PIGN: variants seen among roughly 807,000 people sequenced by gnomAD.
The protein encoded by PIGN is GPI ethanolamine phosphate transferase 1.
Under a neutral mutation model 125.4 loss-of-function variants are expected in PIGN, and 117 were observed. That is an observed-to-expected ratio of 0.93 (90% CI 0.80 to 1.09). The LOEUF (loss-of-function observed/expected upper bound fraction) is 1.09, where lower values mean the gene tolerates loss of function less well. Among genes scored for constraint, PIGN ranks in the 50% least tolerant of loss-of-function variants. The pLI, the probability that PIGN is intolerant of heterozygous loss-of-function variation, is 0.00. For missense variants in PIGN, 1,075 were observed against 1,094.9 expected, an observed-to-expected ratio of 0.98 and a Z score of 0.26; for synonymous variants, 392 against 377.8, an observed-to-expected ratio of 1.04 and a Z score of -0.44.
intron 23 of PIGN, among the ~76,000 whole-genome samples, chr18:62,028,592 C>T (rs2030155250): frequency 6.6e-6 from 1 of 152,172 alleles, no homozygotes; most frequent in Admixed American, 6.5e-5. Flanking sequence ...ATTCTAATTA[C>T]TTAAATTGAA....
At chr18:62,050,364 C>G (rs2031170840) in intron 30 of PIGN, among the ~76,000 whole-genome samples, 1 of 152,062 alleles carries the variant, frequency 6.6e-6, no homozygotes, top group Non-Finnish European at 1.5e-5. Context: ...TTTGTATCCT[C>G]TTTTATTTCA....
intron 23 of PIGN, among the ~76,000 whole-genome samples, chr18:62,019,783 G>A (rs1218025971): frequency 6.6e-6 from 1 of 152,184 alleles, no homozygotes; most frequent in Non-Finnish European, 1.5e-5. Context: ...CAATAACACT[G>A]GACAAAATAT....
intron 17 of PIGN, among the ~76,000 whole-genome samples, chr18:62,107,955 C>T (rs891339093): frequency 6.6e-6 from 1 of 152,106 alleles, no homozygotes; most frequent in South Asian, 2.1e-4. Context: ...AAATGTATTA[C>T]ATACTTGAGT....
intron 23 of PIGN, among the ~76,000 whole-genome samples, chr18:62,020,400 A>G (rs887187197): frequency 6.6e-6 from 1 of 152,190 alleles, no homozygotes; most frequent in African/African-American, 2.4e-5. Flanking sequence ...ACCTCTAGAC[A>G]TGTGAAGAAG....
intron 28 of PIGN, among the ~76,000 whole-genome samples, chr18:62,081,703 G>A (rs150943441): frequency 1.2e-3 from 188 of 152,084 alleles, no homozygotes; most frequent in African/African-American, 4.3e-3. Context: ...CAAAGATGCA[G>A]GAAAGTACAT....
At chr18:62,166,071 A>G (rs1324304189) in intron 1 of PIGN, among the ~76,000 whole-genome samples, 1 of 152,190 alleles carries the variant, frequency 6.6e-6, no homozygotes, top group Non-Finnish European at 1.5e-5. Flanking sequence ...ATATAGAAGG[A>G]TATGAATGAT....
At chr18:62,111,362 A>G (rs564528427) in intron 16 of PIGN, among the ~76,000 whole-genome samples, 11 of 152,120 alleles carry the variant, frequency 7.2e-5, no homozygotes, top group Non-Finnish European at 1.6e-4. Flanking sequence ...CTCTGTTTAC[A>G]TCATTCAGTT....
chr18:62,057,932 C>T (rs529237534), intron 30 of PIGN, among the ~76,000 whole-genome samples: 46 of 152,330 alleles, frequency 3.0e-4, no homozygotes, highest in Non-Finnish European at 5.6e-4. Context: ...CAGATAAGGA[C>T]ATAAACAGGC....
chr18:62,180,473 G>A (rs936776148), intron 1 of PIGN, among the ~76,000 whole-genome samples: 2 of 152,098 alleles, frequency 1.3e-5, no homozygotes, highest in South Asian at 2.1e-4. Flanking sequence ...AGCAATGTAC[G>A]AAAGCTTCTA....
chr18:62,154,579 G>A lies in PIGN; in HGVS notation c.515C>T (p.Thr172Ile). 1 of 1,585,048 alleles carries A rather than the reference G, an allele frequency of 6.3e-7. No homozygotes were observed. The highest frequency in any genetic ancestry group is 1.1e-5 in the South Asian group (1 of 90,232). Residue 172 changes from threonine to isoleucine, a missense_variant, in exon 7 of 31, where the codon ACA (threonine) becomes ATA (isoleucine). Physicochemically the swap from Thr to Ile is moderately conservative, Grantham distance 89. Transcript: ENST00000640252. ...KREDFGAQDATKLDTWVFDNV... is the reference protein window; with the variant it reads ...KREDFGAQDAIKLDTWVFDNV... ...ATCAAAAACCCACGTATCCAGTTTT[G>A]TTGCATCTTGAGCACCAAAATCCTC...
chr18:62,068,341 A>G (rs1261699113), intron 30 of PIGN, among the ~76,000 whole-genome samples: 1 of 151,712 alleles, frequency 6.6e-6, no homozygotes, highest in Admixed American at 6.6e-5. Flanking sequence ...CCTTTGCCAT[A>G]CCTGTCTGTA....
chr18:62,085,093 G>A (rs1414231101), intron 26 of PIGN, 116 bp downstream of exon 26: 6 of 650,584 alleles, frequency 9.2e-6, no homozygotes, highest in Non-Finnish European at 1.6e-5. Flanking sequence ...AGGCAACAGA[G>A]TGAGACTTGG....
chr18:62,079,078 G>A (rs1695250931), intron 28 of PIGN, among the ~76,000 whole-genome samples: 1 of 152,158 alleles, frequency 6.6e-6, no homozygotes, highest in African/African-American at 2.4e-5. Flanking sequence ...CTCTGCTTAA[G>A]GCTACCTTTC....
chr18:62,129,698 T>TG (rs1555690277), intron 14 of PIGN, among the ~76,000 whole-genome samples: 3 of 152,208 alleles, frequency 2.0e-5, no homozygotes, highest in Non-Finnish European at 4.4e-5. Flanking sequence ...TTTTCCAACA[T>TG]CAGTATAGTG....
intron 30 of PIGN, among the ~76,000 whole-genome samples, chr18:62,066,815 T>C (rs1486526214): frequency 6.6e-6 from 1 of 152,174 alleles, no homozygotes; most frequent in Non-Finnish European, 1.5e-5. Flanking sequence ...TAAACTGATT[T>C]AACTAGGGAC....
At chr18:62,165,229 C>A (rs1348765244) in intron 1 of PIGN, among the ~76,000 whole-genome samples, 1 of 152,218 alleles carries the variant, frequency 6.6e-6, no homozygotes, top group Non-Finnish European at 1.5e-5. Context: ...ATGCTCACAT[C>A]CCCTTTGTTC....
intron 1 of PIGN, among the ~76,000 whole-genome samples, chr18:62,168,776 G>A (rs1384354542): frequency 1.3e-5 from 2 of 151,212 alleles, no homozygotes; most frequent in Admixed American, 6.6e-5. Context: ...CAGTCATAAT[G>A]AACAAACCCA....
intron 1 of PIGN, among the ~76,000 whole-genome samples, chr18:62,167,679 A>ACT (rs148742862): frequency 1.3e-4 from 18 of 141,470 alleles, no homozygotes; most frequent in African/African-American, 1.8e-4. Flanking sequence ...TCCATAACAC[A>ACT]CTCTCTCTCT....
chr18:62,172,013 T>C lies in PIGN; in HGVS notation c.-235-8357A>G, dbSNP rs559217589. 2.0e-5 allele frequency among the ~76,000 whole-genome samples: 3 copies of C among 152,296 alleles called. No individual in the cohort carries two copies. The East Asian group carries it at 5.8e-4, about 29-fold the overall frequency. ...CTTGTACTTTTTGGAAGAGTTTGTG[T>C]AAAATTTGTATTATTTCTTCCTTTA... On this transcript the variant is annotated intron_variant, in intron 1 of 30. Transcript: ENST00000640252.
Sources: gnomAD v4.1 joint callset for allele counts (sites outside exome capture counted in the v4.1 genomes callset) on GRCh38, gnomAD v4.1.1 for gene constraint, MANE v1.5 for transcripts, NCBI Gene and HGNC (gene_info 2026-07-23, HGNC 2026-07-21) for gene names.